COG5: variants seen among roughly 807,000 people sequenced by gnomAD.
COG5 encodes conserved oligomeric Golgi complex subunit 5.
A neutral mutation model predicts 110.4 loss-of-function variants in COG5; 86 were observed. The ratio of observed to expected loss-of-function variants is 0.78; its 90% confidence interval spans 0.65 to 0.93. The LOEUF is 0.93. COG5 is among the 40% of genes least tolerant of loss of function. COG5 has a pLI of 0.00. For synonymous variants in COG5, 360 were observed against 334.6 expected, an observed-to-expected ratio of 1.08 and a Z score of -0.83; for missense variants, 1,077 against 987.0, an observed-to-expected ratio of 1.09 and a Z score of -1.22.
chr7:107,363,370 A>G (rs556928578), intron 8 of COG5, among the ~76,000 whole-genome samples: 34 of 152,352 alleles, frequency 2.2e-4, no homozygotes, highest in Admixed American at 5.9e-4. Flanking sequence ...GAAATTTTTC[A>G]AAAGGATACA....
chr7:107,318,594 C>G (rs1371545116), intron 11 of COG5, among the ~76,000 whole-genome samples: 1 of 152,112 alleles, frequency 6.6e-6, no homozygotes, highest in East Asian at 1.9e-4. Flanking sequence ...ACATACAAGT[C>G]TAAGATCAAG....
At chr7:107,409,230 GAAAAAAA>G (rs11366303) in intron 7 of COG5, among the ~76,000 whole-genome samples, 6 of 104,992 alleles carry the variant, frequency 5.7e-5, no homozygotes, top group African/African-American at 2.0e-4. Context: ...CAACGTCAAG[GAAAAAAA>G]AAAAAAAAAA....
intron 10 of COG5, among the ~76,000 whole-genome samples, chr7:107,345,731 TAAAC>T (rs963014482): frequency 2.0e-5 from 3 of 152,214 alleles, no homozygotes; most frequent in Non-Finnish European, 4.4e-5. Flanking sequence ...ATGTAATTCT[TAAAC>T]TAATTCTTTT....
chr7:107,251,328 A>T (rs1406976011), intron 16 of COG5, among the ~76,000 whole-genome samples: 1 of 152,160 alleles, frequency 6.6e-6, no homozygotes, highest in Non-Finnish European at 1.5e-5. Flanking sequence ...TTTCTGGCAA[A>T]AGAAAATTAG....
At chr7:107,311,566 T>C (rs975188640) in intron 11 of COG5, among the ~76,000 whole-genome samples, 3 of 150,054 alleles carry the variant, frequency 2.0e-5, no homozygotes, top group Non-Finnish European at 4.4e-5. Context: ...GCTAATTTTT[T>C]GTATTTTTAG....
chr7:107,512,691 A>C (rs1228511456), intron 6 of COG5, among the ~76,000 whole-genome samples: 1 of 152,268 alleles, frequency 6.6e-6, no homozygotes, highest in Admixed American at 6.5e-5. Flanking sequence ...ACTGGTACCA[A>C]AACAGAGGTA....
At chr7:107,266,559 T>C (rs1247304811) in intron 14 of COG5, among the ~76,000 whole-genome samples, 2 of 152,196 alleles carry the variant, frequency 1.3e-5, no homozygotes. Context: ...TGTTTCCTAT[T>C]CTTCTTTAAA....
intron 2 of COG5, among the ~76,000 whole-genome samples, chr7:107,557,528 G>A (rs1361134363): frequency 6.6e-6 from 1 of 152,126 alleles, no homozygotes; most frequent in Non-Finnish European, 1.5e-5. Context: ...AGGACCCGTC[G>A]CCTAACATCT....
intron 6 of COG5, among the ~76,000 whole-genome samples, chr7:107,506,998 C>A (rs532701991): frequency 6.6e-6 from 1 of 152,332 alleles, no homozygotes; most frequent in Non-Finnish European, 1.5e-5. Context: ...TGGGAAAGCA[C>A]GCAAGGCTGC....
intron 18 of COG5, among the ~76,000 whole-genome samples, chr7:107,231,191 C>CT (rs1393506766): frequency 6.6e-6 from 1 of 152,164 alleles, no homozygotes; most frequent in Non-Finnish European, 1.5e-5. Flanking sequence ...TACTTCACCT[C>CT]TTTAAGTCTC....
At chr7:107,541,523 A>AAAAAAAAAAAAAATATAT (rs60423657) in intron 5 of COG5, among the ~76,000 whole-genome samples, 4 of 57,020 alleles carry the variant, frequency 7.0e-5, no homozygotes, top group Non-Finnish European at 1.3e-4. Flanking sequence ...AAAAAAAAAA[A>AAAAAAAAAAAAAATATAT]ATATATATAT....
intron 14 of COG5, among the ~76,000 whole-genome samples, chr7:107,262,923 A>C (rs766960561): frequency 6.6e-6 from 1 of 152,200 alleles, no homozygotes; most frequent in African/African-American, 2.4e-5. Flanking sequence ...AAAATGCCTT[A>C]AAAATGGTAA....
At chr7:107,266,575 G>C (rs574756056) in intron 14 of COG5, among the ~76,000 whole-genome samples, 2 of 151,950 alleles carry the variant, frequency 1.3e-5, no homozygotes, top group Non-Finnish European at 2.9e-5. Context: ...TTAAATTTTG[G>C]TGATTTTACG....
intron 17 of COG5, among the ~76,000 whole-genome samples, chr7:107,239,786 C>T (rs1203725867): frequency 6.6e-6 from 1 of 152,108 alleles, no homozygotes. Flanking sequence ...TGTGAAATTT[C>T]GAAGATTTCT....
At chr7:107,236,361 TA>T (rs1801191586) in intron 18 of COG5, 88 bp downstream of exon 18, 3 of 1,020,414 alleles carry the variant, frequency 2.9e-6, no homozygotes, top group African/African-American at 3.1e-5. Flanking sequence ...TGCAACTCTT[TA>T]AAAACACCGA....
intron 9 of COG5, 94 bp downstream of exon 9, chr7:107,362,214 C>T: frequency 1.5e-6 from 2 of 1,338,874 alleles, no homozygotes; most frequent in Non-Finnish European, 2.1e-6. Context: ...ATTTTGAATG[C>T]TCATTGATTA....
chr7:107,299,763 A>G (rs946931290), intron 11 of COG5, among the ~76,000 whole-genome samples: 1 of 149,236 alleles, frequency 6.7e-6, no homozygotes, highest in African/African-American at 2.4e-5. Context: ...ATCTAGTCAA[A>G]CAATATATAA....
rs542344548 is a variant in COG5, at chr7:107,558,073, G to A, written c.137C>T (p.Thr46Ile). 23 of 1,613,770 alleles carry A rather than the reference G, an allele frequency of 1.4e-5. No individual in the cohort carries two copies. In the East Asian group the frequency reaches 4.2e-4, roughly 30 times the overall value. The stretch of plus-strand genomic sequence containing the variant: ...TTGATGAATAGATTGAGAAGTATAA[G>A]TCTTTACATCAAAGTCTTCGTTTAA... ...DFLNEDFDVKTYTSQSIHQAV... is the reference protein window; with the variant it reads ...DFLNEDFDVKIYTSQSIHQAV... The change falls in exon 2 of 22, where the codon ACT (threonine) becomes ATT (isoleucine). Residue 46 changes from threonine (T) to isoleucine (I), a missense_variant. Thr to Ile is a moderately conservative substitution (Grantham distance 89). Coordinates refer to ENST00000297135, the MANE Select transcript of COG5 (RefSeq NM_006348.5).
chr7:107,499,945 T>C (rs1001367717), intron 6 of COG5, among the ~76,000 whole-genome samples: 1 of 152,118 alleles, frequency 6.6e-6, no homozygotes, highest in Admixed American at 6.6e-5. Context: ...TGTCCACGTT[T>C]AAACCATTAC....
Sources: allele counts gnomAD v4.1 joint callset (sites outside exome capture counted in the v4.1 genomes callset), GRCh38; gene constraint gnomAD v4.1.1; transcripts MANE v1.5; gene names NCBI Gene and HGNC (gene_info 2026-07-23, HGNC 2026-07-21).